Variants in CPLANE1 observed in about 807,000 individuals in gnomAD.
The protein encoded by CPLANE1 is ciliogenesis and planar polarity effector 1.
In CPLANE1, 263 loss-of-function variants were observed where a neutral mutation model predicts 362.5. That is an observed-to-expected ratio of 0.73 (90% CI 0.66 to 0.80). CPLANE1 has a LOEUF of 0.80. CPLANE1 is among the 30% of genes least tolerant of loss of function. The pLI is 0.00. For synonymous variants in CPLANE1, 1,212 were observed against 1,302.6 expected, an observed-to-expected ratio of 0.93 and a Z score of 1.50; for missense variants, 3,461 against 3,793.4, an observed-to-expected ratio of 0.91 and a Z score of 2.30.
At position 37,247,647 on chromosome 5, in the gene CPLANE1, G is replaced by T. The variant is rs1740184783; in HGVS notation, c.52C>A (p.Pro18Thr). ...LTSTGIKQKK[P>T]WPRVSWLGKE... is the part of the protein sequence containing the mutation. ...CCCAACCAGGAGACACGTGGCCATG[G>T]TTTTTTCTGCTTAATACCTGTTGAT... The change falls in exon 2 of 53, where the codon CCA (proline) becomes ACA (threonine). Residue 18 changes from proline (P) to threonine (T), a missense_variant. This residue lies in a region of CPLANE1 where 3,380 missense variants were observed against 3,666.1 expected (regional missense o/e 0.92). Transcript: ENST00000651892. 1 of 1,551,216 alleles carries T rather than the reference G, an allele frequency of 6.4e-7. No individual in the cohort carries two copies. Among genetic ancestry groups the T allele is most frequent in the Non-Finnish European group, 8.7e-7 (1 of 1,146,522 alleles).
At chr5:37,217,079 G>GA (rs1412970378) in intron 15 of CPLANE1, among the ~76,000 whole-genome samples, 6 of 152,094 alleles carry the variant, frequency 3.9e-5, no homozygotes, top group Non-Finnish European at 5.9e-5. Flanking sequence ...TATTTGGGGG[G>GA]AAAAACCACA....
rs367543062 is a variant in CPLANE1, at chr5:37,167,046, C to T, written c.7400+1G>A. 5.6e-6 allele frequency: 9 copies of T among 1,603,248 alleles called. No individual in the cohort carries two copies. Among genetic ancestry groups the T allele is most frequent in the Non-Finnish European group, 7.6e-6 (9 of 1,176,776 alleles). On this transcript the variant is annotated splice_donor_variant, in intron 35 of 52. Coordinates refer to ENST00000651892, the MANE Select transcript of CPLANE1 (RefSeq NM_001384732.1). LOFTEE classifies it high-confidence loss of function. ...CAAATAAAATTTCACTTAAGCCTTG[C>T]CTTTTTTTACTGTCCTTTCCTTGTC...
intron 46 of CPLANE1, among the ~76,000 whole-genome samples, chr5:37,129,532 G>A (rs1246885310): frequency 6.6e-6 from 1 of 151,840 alleles, no homozygotes; most frequent in African/African-American, 2.4e-5. Flanking sequence ...GAATATACAA[G>A]GAACTCAAAC....
At chr5:37,238,024 T>G (rs1799398411) in intron 8 of CPLANE1, among the ~76,000 whole-genome samples, 1 of 151,918 alleles carries the variant, frequency 6.6e-6, no homozygotes, top group African/African-American at 2.4e-5. Context: ...ACAAAAAACT[T>G]TAAAAAAATT....
downstream of CPLANE1, among the ~76,000 whole-genome samples, chr5:37,103,566 A>AG (rs1429462772): frequency 6.6e-6 from 1 of 152,112 alleles, no homozygotes; most frequent in Non-Finnish European, 1.5e-5. Flanking sequence ...GGCTTGGTGG[A>AG]GATGTATTCC....
chr5:37,142,530 G>T (rs1197864051), intron 43 of CPLANE1, 50 bp from the exon 44 acceptor site: 1 of 1,230,280 alleles, frequency 8.1e-7, no homozygotes, highest in Non-Finnish European at 1.1e-6. Flanking sequence ...GAGGAAAAAA[G>T]ATCACATGGA....
intron 15 of CPLANE1, among the ~76,000 whole-genome samples, chr5:37,216,540 C>A (rs1794134525): frequency 6.6e-6 from 1 of 152,072 alleles, no homozygotes; most frequent in Non-Finnish European, 1.5e-5. Context: ...CAGAGTGAGG[C>A]CCTATCTCAA....
chr5:37,111,346 G>C lies in CPLANE1; in HGVS notation c.9401-2875C>G, dbSNP rs574454554. On this transcript the variant is annotated intron_variant, in intron 51 of 52. Transcript: ENST00000651892. ...TCACGGTGTTAGCCAGGATGGTCTT[G>C]ATCTCCTGACCTCATGATCCGCCCG... Among the ~76,000 whole-genome samples, 335 of 143,090 alleles carry C rather than the reference G, an allele frequency of 2.3e-3. 7 individuals carry two copies. In the Middle Eastern group the frequency reaches 0.026, roughly 11 times the overall value. The allele number at this position is 143,090 out of a possible 152,430, so 93.9% of individuals were successfully genotyped here.
intron 9 of CPLANE1, among the ~76,000 whole-genome samples, chr5:37,228,306 A>G (rs936366140): frequency 1.3e-5 from 2 of 152,164 alleles, no homozygotes; most frequent in Non-Finnish European, 2.9e-5. Context: ...AACATACAAT[A>G]TTGTTATTAT....
Position 37,125,403 on chromosome 5 carries a change from C to G in CPLANE1, c.8799G>C (p.Gln2933His). 1 of 1,612,168 alleles carries G rather than the reference C, an allele frequency of 6.2e-7. No homozygotes were observed. Among genetic ancestry groups the G allele is most frequent in the African/African-American group, 1.3e-5 (1 of 74,922 alleles). Reference protein sequence around the residue: ...TEQAMGTSRIQHYSGRHSQRT... With the variant: ...TEQAMGTSRIHHYSGRHSQRT... ...TTTGTGAATGTCTGCCAGAATAATG[C>G]TGAATTCTGAGAAATTTAACAAGCA... Residue 2933 changes from glutamine (Q) to histidine (H), a missense_variant, in exon 47 of 53, where the codon CAG becomes CAC. Gln to His is a conservative substitution (Grantham distance 24, BLOSUM62 0). Around this residue, in one of 2 missense-constraint regions of CPLANE1, gnomAD observed 3,380 missense variants for 3,666.1 expected, o/e 0.92. Coordinates refer to ENST00000651892, the MANE Select transcript of CPLANE1 (RefSeq NM_001384732.1).
chr5:37,225,770 T>C (rs971394801), intron 12 of CPLANE1, among the ~76,000 whole-genome samples: 1 of 149,652 alleles, frequency 6.7e-6, no homozygotes, highest in African/African-American at 2.5e-5. Context: ...GAGAATCTAC[T>C]TGAACCCAGG....
At chr5:37,185,156 C>G in intron 24 of CPLANE1, 77 bp from the exon 25 acceptor site, 1 of 1,369,232 alleles carries the variant, frequency 7.3e-7, no homozygotes, top group Non-Finnish European at 9.9e-7. Flanking sequence ...CAACTCTGGT[C>G]CCTCCTGGGG....
the CPLANE1 span, among the ~76,000 whole-genome samples, chr5:37,086,676 T>A: frequency 6.6e-6 from 1 of 152,186 alleles, no homozygotes; most frequent in East Asian, 1.9e-4. Context: ...TAATGGTGTT[T>A]ACTTGAGACT....
In CPLANE1 at chr5:37,242,997, A is replaced by G. The variant is rs780763745; in HGVS notation, c.677+16T>C. ...AAAAATCAGTAAGAAAAGGAAGAAGAAAACATTTACCTCACCTTACAGATG... is the reference window on the plus strand; with the variant it reads ...AAAAATCAGTAAGAAAAGGAAGAAGGAAACATTTACCTCACCTTACAGATG... On this transcript the variant is annotated intron_variant, in intron 6 of 52. Coordinates refer to ENST00000651892, the MANE Select transcript of CPLANE1 (RefSeq NM_001384732.1). 1.1e-5 allele frequency: 17 copies of G among 1,497,594 alleles called. No homozygotes were observed. The highest frequency in any genetic ancestry group is 1.4e-5 in the Non-Finnish European group (16 of 1,111,820). 92.8% of individuals were successfully genotyped at this position (1,497,594 alleles called of 1,614,324 possible). A position where few individuals can be genotyped will look rare whatever the true frequency, so the allele number is the denominator to read the frequency against.
At chr5:37,120,672 T>G (rs923849079) in intron 49 of CPLANE1, among the ~76,000 whole-genome samples, 3 of 152,240 alleles carry the variant, frequency 2.0e-5, no homozygotes, top group African/African-American at 7.2e-5. Flanking sequence ...CATATAACTC[T>G]CAACAAATTA....
intron 43 of CPLANE1, among the ~76,000 whole-genome samples, chr5:37,145,464 G>C (rs576533353): frequency 6.6e-6 from 1 of 152,254 alleles, no homozygotes; most frequent in South Asian, 2.1e-4. Context: ...ATGTTGCTCA[G>C]GCTGGAGTGC....
At chr5:37,159,535 T>C (rs1180605221) in intron 38 of CPLANE1, among the ~76,000 whole-genome samples, 4 of 152,236 alleles carry the variant, frequency 2.6e-5, no homozygotes, top group African/African-American at 9.6e-5. Context: ...TGCTTCTTAT[T>C]TAACAGTAAA....
intron 43 of CPLANE1, chr5:37,142,764 C>T (rs575360915): frequency 1.3e-4 from 24 of 188,382 alleles, no homozygotes; most frequent in Admixed American, 3.0e-4. Flanking sequence ...TTTTAATATA[C>T]GACCAATCTT....
chr5:37,118,914 A>T (rs1761838860), intron 50 of CPLANE1, among the ~76,000 whole-genome samples: 1 of 152,000 alleles, frequency 6.6e-6, no homozygotes, highest in Non-Finnish European at 1.5e-5. Flanking sequence ...GGGTTTCACC[A>T]TGTTGGCCAA....
Sources: allele counts gnomAD v4.1 joint callset (sites outside exome capture counted in the v4.1 genomes callset), GRCh38; gene constraint gnomAD v4.1.1; regional missense constraint gnomAD v4.1.1; transcripts MANE v1.5; gene names NCBI Gene and HGNC (gene_info 2026-07-23, HGNC 2026-07-21).